RABGAP1L: variants seen among roughly 807,000 people sequenced by gnomAD.
The protein encoded by RABGAP1L is RAB GTPase activating protein 1 like.
In RABGAP1L, 63 loss-of-function variants were observed where a neutral mutation model predicts 137.7. The observed-to-expected ratio is 0.46, with a 90% CI of 0.37 to 0.56. RABGAP1L has a LOEUF of 0.56. Among genes scored for constraint, RABGAP1L ranks in the 20% least tolerant of loss-of-function variants. The pLI is 0.00. For synonymous variants in RABGAP1L, 431 were observed against 433.7 expected (o/e 0.99, Z 0.08); for missense variants, 1,095 against 1,244.0 (o/e 0.88, Z 1.80).
At chr1:174,280,571 AT>A (rs764819434) in intron 10 of RABGAP1L, among the ~76,000 whole-genome samples, 11 of 152,172 alleles carry the variant, frequency 7.2e-5, no homozygotes, top group Non-Finnish European at 1.5e-4. Flanking sequence ...CTTCTCTCAA[AT>A]ATAGCAGAAC....
intron 19 of RABGAP1L, chr1:174,893,251 A>G (rs1403198523): frequency 2.0e-5 from 3 of 152,944 alleles, no homozygotes; most frequent in Admixed American, 6.5e-5. Flanking sequence ...GAATCACGAT[A>G]TAAATAATTA....
At chr1:174,932,609 C>T (rs1305868113) in intron 19 of RABGAP1L, among the ~76,000 whole-genome samples, 1 of 152,084 alleles carries the variant, frequency 6.6e-6, no homozygotes, top group Non-Finnish European at 1.5e-5. Flanking sequence ...TAAAGTTGCT[C>T]TATTCCCCTT....
At chr1:174,953,213 T>G (rs1668006547) in intron 19 of RABGAP1L, among the ~76,000 whole-genome samples, 1 of 152,172 alleles carries the variant, frequency 6.6e-6, no homozygotes, top group Admixed American at 6.5e-5. Flanking sequence ...ATGATTAATA[T>G]ATATTCAGTC....
chr1:174,694,293 C>T (rs1446894926), intron 15 of RABGAP1L, among the ~76,000 whole-genome samples: 1 of 151,740 alleles, frequency 6.6e-6, no homozygotes, highest in African/African-American at 2.4e-5. Context: ...TGGTGCGCTG[C>T]ACCCACTAAC....
chr1:174,384,231 A>G lies in RABGAP1L; in HGVS notation c.1560-9764A>G, dbSNP rs534249460. On this transcript the variant is annotated intron_variant, in intron 12 of 25. Coordinates refer to ENST00000681986, the MANE Select transcript of RABGAP1L (RefSeq NM_001366446.1). ...AAATTCTGGAAAAGTCAAAACTATC[A>G]TCATAGGAAGCATGTCAGTAGTTGT... 3.3e-5 allele frequency among the ~76,000 whole-genome samples: 5 copies of G among 152,308 alleles called. No individual in the cohort carries two copies. In the East Asian group the frequency reaches 9.6e-4, roughly 29 times the overall value.
At chr1:174,178,092 T>C (rs932682685) in intron 1 of RABGAP1L, among the ~76,000 whole-genome samples, 35 of 152,232 alleles carry the variant, frequency 2.3e-4, no homozygotes, top group African/African-American at 7.7e-4. Context: ...TTTCACGACA[T>C]TGATTCTTCC....
chr1:174,953,051 AAG>A (rs1553293034), intron 19 of RABGAP1L, among the ~76,000 whole-genome samples: 17 of 147,434 alleles, frequency 1.2e-4, no homozygotes, highest in South Asian at 4.2e-4. Context: ...AAAAAAAAAA[AAG>A]AACTAATGCA....
At position 174,737,087 on chromosome 1, in the gene RABGAP1L, T is replaced by C. The variant is rs1420130912; in HGVS notation, c.2170-15226T>C. Among the ~76,000 whole-genome samples, 4 of 152,354 alleles carry C rather than the reference T, an allele frequency of 2.6e-5. No individual in the cohort carries two copies. In the South Asian group the frequency reaches 8.3e-4, roughly 32 times the overall value. ...CTCTCTTTAGCAAGTAGTTGCTCCA[T>C]AGCCTGCTTGAATTCCTCTCCTGTA... On this transcript the variant is annotated intron_variant, in intron 17 of 25. Transcript: ENST00000681986.
rs1361968902 is a variant in RABGAP1L, at chr1:174,434,151, A to ACACACACACACACACACACACACACACC, written c.1710+40007_1710+40008insACACACACACACACACACACACACACCC. ...CACACACACACACACACACACACACACCCTGCCTGGGGCAACTAGGGTTCT... is the reference window on the plus strand; with the variant it reads ...CACACACACACACACACACACACACACACACACACACACACACACACACACACCCCCTGCCTGGGGCAACTAGGGTTCT... On this transcript the variant is annotated intron_variant, in intron 13 of 25. Coordinates refer to ENST00000681986, the MANE Select transcript of RABGAP1L (RefSeq NM_001366446.1). Among the ~76,000 whole-genome samples the ACACACACACACACACACACACACACACC allele has an allele frequency of 4.4e-4, 65 of 147,606 alleles. 1 individual carries two copies. Among genetic ancestry groups the ACACACACACACACACACACACACACACC allele is most frequent in the Non-Finnish European group, 7.5e-4 (50 of 66,916 alleles).
rs1412719231 is a variant in RABGAP1L, at chr1:174,284,060, C to T, written c.1323+5281C>T. 2.6e-5 allele frequency among the ~76,000 whole-genome samples: 4 copies of T among 152,014 alleles called. No individual in the cohort carries two copies. The South Asian group carries it at 6.2e-4, about 24-fold the overall frequency. On this transcript the variant is annotated intron_variant, in intron 10 of 25. Transcript: ENST00000681986. The stretch of plus-strand genomic sequence containing the variant: ...TACATATATATTGTGAAATGATTAC[C>T]GAAATCAAGTTAGTTAACACATCTG...
chr1:174,456,880 A>G (rs1656096039), intron 13 of RABGAP1L, among the ~76,000 whole-genome samples: 1 of 152,138 alleles, frequency 6.6e-6, no homozygotes, highest in Non-Finnish European at 1.5e-5. Flanking sequence ...AATCATTGCA[A>G]AGTCCAAATT....
At chr1:174,860,511 G>A (rs1233780011) in intron 19 of RABGAP1L, among the ~76,000 whole-genome samples, 1 of 152,006 alleles carries the variant, frequency 6.6e-6, no homozygotes, top group Admixed American at 6.6e-5. Flanking sequence ...AGAGAGGTAG[G>A]GTGGGGAATT....
In RABGAP1L at chr1:174,431,835, T is replaced by C. The variant is rs191097654; in HGVS notation, c.1710+37690T>C. 1.3e-3 allele frequency among the ~76,000 whole-genome samples: 196 copies of C among 152,358 alleles called. 1 individual carries two copies. Among genetic ancestry groups the C allele is most frequent in the African/African-American group, 4.6e-3 (192 of 41,586 alleles). Reference sequence around the variant, plus strand: ...TACCAAATATTAAATTATGTCAGAATTCTTGGTTTAAGAAGACAGAGGAAT... The same window carrying C: ...TACCAAATATTAAATTATGTCAGAACTCTTGGTTTAAGAAGACAGAGGAAT... On this transcript the variant is annotated intron_variant, in intron 13 of 25. Coordinates refer to ENST00000681986, the MANE Select transcript of RABGAP1L (RefSeq NM_001366446.1).
At chr1:174,486,536 C>CA (rs1247141326) in intron 13 of RABGAP1L, among the ~76,000 whole-genome samples, 1 of 151,858 alleles carries the variant, frequency 6.6e-6, no homozygotes, top group Non-Finnish European at 1.5e-5. Context: ...TTAGTAGAGA[C>CA]ACGGTTTCAC....
At chr1:174,365,526 T>G (rs1240397713) in intron 11 of RABGAP1L, among the ~76,000 whole-genome samples, 1 of 152,094 alleles carries the variant, frequency 6.6e-6, no homozygotes, top group Non-Finnish European at 1.5e-5. Context: ...GATGGATGTT[T>G]CCCTGCTGGC....
At chr1:174,615,158 T>G (rs1413510370) in intron 13 of RABGAP1L, among the ~76,000 whole-genome samples, 2 of 152,180 alleles carry the variant, frequency 1.3e-5, no homozygotes, top group South Asian at 2.1e-4. Flanking sequence ...GGTGCTCTGC[T>G]TTTTACAGTT....
intron 15 of RABGAP1L, among the ~76,000 whole-genome samples, chr1:174,689,401 G>T (rs1229431931): frequency 6.6e-6 from 1 of 151,974 alleles, no homozygotes; most frequent in African/African-American, 2.4e-5. Flanking sequence ...TCTTTCTGCT[G>T]CATGTGACAG....
chr1:174,186,313 G>A (rs536947225), intron 1 of RABGAP1L, among the ~76,000 whole-genome samples: 14 of 152,212 alleles, frequency 9.2e-5, no homozygotes, highest in African/African-American at 2.9e-4. Flanking sequence ...AATTCTCTAC[G>A]TAGCTGAATT....
At chr1:174,911,410 A>T (rs1300315966) in intron 19 of RABGAP1L, among the ~76,000 whole-genome samples, 1 of 152,192 alleles carries the variant, frequency 6.6e-6, no homozygotes, top group Non-Finnish European at 1.5e-5. Context: ...TGTGAATTGA[A>T]TAACTTTGTT....
Sources: allele counts gnomAD v4.1 joint callset (sites outside exome capture counted in the v4.1 genomes callset), GRCh38; gene constraint gnomAD v4.1.1; transcripts MANE v1.5; gene names NCBI Gene and HGNC (gene_info 2026-07-23, HGNC 2026-07-21).